The following ADGRL3 variants were observed in gnomAD, a reference collection of about 807,000 sequenced individuals.
The protein encoded by ADGRL3 is adhesion G protein-coupled receptor L3, also known as calcium-independent alpha-latrotoxin receptor 3.
Under a neutral mutation model 153.5 loss-of-function variants are expected in ADGRL3, and 62 were observed. That is an observed-to-expected ratio of 0.40 (90% CI 0.33 to 0.50). ADGRL3 has a LOEUF of 0.50. ADGRL3 is among the 20% of genes least tolerant of loss of function. ADGRL3 has a pLI of 0.47. For synonymous variants in ADGRL3, 710 were observed against 672.5 expected (o/e 1.06, Z -0.86); for missense variants, 1,641 against 1,859.4 (o/e 0.88, Z 2.16).
intron 13 of ADGRL3, among the ~76,000 whole-genome samples, chr4:61,923,738 C>T (rs993078863): frequency 1.3e-5 from 2 of 152,286 alleles, no homozygotes; most frequent in East Asian, 1.9e-4. Flanking sequence ...GAATAAATGA[C>T]CTCTTATGTG....
chr4:61,584,254 G>A (rs1290585461), intron 4 of ADGRL3, among the ~76,000 whole-genome samples: 1 of 151,898 alleles, frequency 6.6e-6, no homozygotes, highest in African/African-American at 2.4e-5. Flanking sequence ...TTGTCACTGG[G>A]TTACTGATGA....
intron 4 of ADGRL3, among the ~76,000 whole-genome samples, chr4:61,553,933 T>C (rs747091618): frequency 2.0e-5 from 3 of 152,136 alleles, no homozygotes; most frequent in Non-Finnish European, 4.4e-5. Flanking sequence ...AGAATTTACA[T>C]ATCAGTGGTA....
intron 7 of ADGRL3, among the ~76,000 whole-genome samples, 197 bp downstream of exon 7, chr4:61,730,833 G>A (rs1296692747): frequency 6.6e-6 from 1 of 151,844 alleles, no homozygotes. Context: ...GAGTTTAGTA[G>A]TATAAAATTT....
chr4:61,590,884 A>G (rs2098966366), intron 5 of ADGRL3, among the ~76,000 whole-genome samples: 1 of 152,136 alleles, frequency 6.6e-6, no homozygotes, highest in Non-Finnish European at 1.5e-5. Context: ...GCTTTTTTCT[A>G]GTAATCTTTT....
At chr4:61,300,371 T>C (rs1407291515) in intron 1 of ADGRL3, among the ~76,000 whole-genome samples, 3 of 152,238 alleles carry the variant, frequency 2.0e-5, no homozygotes, top group Non-Finnish European at 4.4e-5. Flanking sequence ...CCAAGCTTAA[T>C]GTACAATCTA....
intron 6 of ADGRL3, among the ~76,000 whole-genome samples, chr4:61,722,986 AC>A (rs1485554484): frequency 2.6e-5 from 4 of 152,202 alleles, no homozygotes; most frequent in African/African-American, 9.7e-5. Context: ...GATGTATAGA[AC>A]CCAGTAATAA....
rs542353011 is a variant in ADGRL3, at chr4:61,709,178, C to T, written c.584-21444C>T. On this transcript the variant is annotated intron_variant, in intron 6 of 26. Coordinates refer to ENST00000683033, the MANE Select transcript of ADGRL3 (RefSeq NM_001387552.1). Reference sequence around the variant, plus strand: ...ATTTGTTATATTGATCTTATTATTACACTCTTCTGACCATTTCTACCACGT... The same window carrying T: ...ATTTGTTATATTGATCTTATTATTATACTCTTCTGACCATTTCTACCACGT... Among the ~76,000 whole-genome samples the T allele has an allele frequency of 5.3e-5, 8 of 152,278 alleles. No homozygotes were observed. In the East Asian group the frequency reaches 7.7e-4, roughly 15 times the overall value.
intron 1 of ADGRL3, among the ~76,000 whole-genome samples, chr4:61,230,770 A>G (rs1313741837): frequency 1.3e-5 from 2 of 152,222 alleles, no homozygotes; most frequent in Non-Finnish European, 2.9e-5. Context: ...TAACTTAACC[A>G]TTTGACAATA....
In ADGRL3 at chr4:61,692,418, C is replaced by T. The variant is rs147152252; in HGVS notation, c.583+15483C>T. Among the ~76,000 whole-genome samples, 189 of 150,582 alleles carry T rather than the reference C, an allele frequency of 1.3e-3. 5 individuals carry two copies. In the East Asian group the frequency reaches 0.033, roughly 26 times the overall value. On this transcript the variant is annotated intron_variant, in intron 6 of 26. Coordinates refer to ENST00000683033, the MANE Select transcript of ADGRL3 (RefSeq NM_001387552.1). Reference sequence around the variant, plus strand: ...TGCCTTCTAATTGGTCACTAGTCACCATTTAGTCTCTTTCTCTCTCTTCCT... The same window carrying T: ...TGCCTTCTAATTGGTCACTAGTCACTATTTAGTCTCTTTCTCTCTCTTCCT...
intron 4 of ADGRL3, among the ~76,000 whole-genome samples, chr4:61,532,535 C>T (rs1178976339): frequency 3.9e-5 from 5 of 127,354 alleles, no homozygotes; most frequent in African/African-American, 1.0e-4. Flanking sequence ...GCTGCATGCG[C>T]GCGCGCGCGC....
At chr4:61,584,988 A>G (rs1303171593) in intron 4 of ADGRL3, among the ~76,000 whole-genome samples, 3 of 152,040 alleles carry the variant, frequency 2.0e-5, no homozygotes, top group Admixed American at 6.6e-5. Context: ...AGAAATGCAC[A>G]TATCACAAAT....
At chr4:61,473,107 A>T (rs1031543097) in intron 2 of ADGRL3, among the ~76,000 whole-genome samples, 2 of 152,132 alleles carry the variant, frequency 1.3e-5, no homozygotes, top group Non-Finnish European at 2.9e-5. Context: ...CCTGGAATAA[A>T]TGAGAGATTG....
At chr4:61,808,385 C>A (rs141950758) in intron 8 of ADGRL3, among the ~76,000 whole-genome samples, 1 of 152,230 alleles carries the variant, frequency 6.6e-6, no homozygotes, top group Non-Finnish European at 1.5e-5. Flanking sequence ...CATCAGTAAC[C>A]TTTGCACCTC....
At chr4:62,069,940 A>G (rs888497784) in intron 26 of ADGRL3, among the ~76,000 whole-genome samples, 169 bp from the exon 27 acceptor site, 4 of 152,228 alleles carry the variant, frequency 2.6e-5, no homozygotes, top group Non-Finnish European at 4.4e-5. Context: ...TTATACACAT[A>G]TATAGATTTA....
intron 9 of ADGRL3, among the ~76,000 whole-genome samples, chr4:61,869,457 G>A (rs1322087000): frequency 1.6e-4 from 24 of 151,644 alleles, no homozygotes; most frequent in Admixed American, 1.6e-3. Flanking sequence ...AATTAGCCGG[G>A]CGCGGTGGCG....
At chr4:61,755,470 GT>G (rs1020072419) in intron 8 of ADGRL3, among the ~76,000 whole-genome samples, 1 of 151,938 alleles carries the variant, frequency 6.6e-6, no homozygotes, top group South Asian at 2.1e-4. Flanking sequence ...GGGGTTGTTT[GT>G]TTTTTTCTTG....
At chr4:61,774,690 G>T (rs1482116105) in intron 8 of ADGRL3, among the ~76,000 whole-genome samples, 1 of 151,958 alleles carries the variant, frequency 6.6e-6, no homozygotes, top group Admixed American at 6.6e-5. Context: ...AAGAGAGACT[G>T]TATTCATATA....
intron 4 of ADGRL3, among the ~76,000 whole-genome samples, chr4:61,573,183 C>A (rs74471786): frequency 0.011 from 1,645 of 151,946 alleles, 27 homozygotes; most frequent in African/African-American, 0.037. Flanking sequence ...AGAATAACCC[C>A]ATTAAATATA....
At chr4:61,841,735 A>C (rs554545352) in intron 9 of ADGRL3, among the ~76,000 whole-genome samples, 4 of 152,340 alleles carry the variant, frequency 2.6e-5, no homozygotes, top group Non-Finnish European at 5.9e-5. Flanking sequence ...AATAATTTCC[A>C]CTGCTGAATG....
Sources: gnomAD v4.1 joint callset for allele counts (sites outside exome capture counted in the v4.1 genomes callset) on GRCh38, gnomAD v4.1.1 for gene constraint, MANE v1.5 for transcripts, NCBI Gene and HGNC (gene_info 2026-07-23, HGNC 2026-07-21) for gene names.